The following RFLNA variants were observed in gnomAD, a reference collection of about 807,000 sequenced individuals.
RFLNA encodes the protein refilin-A.
RFLNA carries 5 observed loss-of-function variants against 7.8 expected under a neutral mutation model. That is an observed-to-expected ratio of 0.64 (90% CI 0.34 to 1.35). The LOEUF is 1.35. Among genes scored for constraint, RFLNA ranks in the 40% most tolerant of loss-of-function variants. RFLNA has a pLI of 0.04. For synonymous variants in RFLNA, 141 were observed against 131.3 expected, an observed-to-expected ratio of 1.07 and a Z score of -0.50; for missense variants, 278 against 305.5, an observed-to-expected ratio of 0.91 and a Z score of 0.67.
rs148856051 is a variant in RFLNA at position 124,304,521 on chromosome 12, G to T, written c.208-7297G>T. Reference sequence around the variant, plus strand: ...CGGGCGGAAAGGGGCTGCCTTTGTCGGCGCCCACGTTCCAGGTGTGGTGGT... The same window carrying T: ...CGGGCGGAAAGGGGCTGCCTTTGTCTGCGCCCACGTTCCAGGTGTGGTGGT... On this transcript the variant is annotated intron_variant, in intron 1 of 2. Coordinates refer to ENST00000546355, the MANE Select transcript of RFLNA (RefSeq NM_001365156.1). Among the ~76,000 whole-genome samples, 1,393 of 152,350 alleles carry T rather than the reference G, an allele frequency of 9.1e-3. 18 individuals are homozygous for T. The highest frequency in any genetic ancestry group is 0.014 in the Non-Finnish European group (960 of 68,030).
intron 1 of RFLNA, among the ~76,000 whole-genome samples, chr12:124,297,863 G>A (rs1399602203): frequency 7.8e-6 from 1 of 127,906 alleles, no homozygotes. Flanking sequence ...CCACCTCCCC[G>A]TTAACTCCCG....
rs920870645 is a variant in RFLNA, at chr12:124,306,168, A to G, written c.208-5650A>G. Among the ~76,000 whole-genome samples the G allele has an allele frequency of 6.0e-5, 9 of 150,980 alleles. No homozygotes were observed. Among genetic ancestry groups the G allele is most frequent in the African/African-American group, 2.2e-4 (9 of 40,920 alleles). ...CCCTCCCCATAGTGCAGGGGCGGAG[A>G]GGTGCCAGGTCCTGGGCTTAGAGGT... On this transcript the variant is annotated intron_variant, in intron 1 of 2. Coordinates refer to ENST00000546355, the MANE Select transcript of RFLNA (RefSeq NM_001365156.1). The surrounding 1 kb of genome is among the most constrained non-coding windows in gnomAD (Gnocchi z 5.2).
At chr12:124,307,088 G>A (rs2034149227) in intron 1 of RFLNA, among the ~76,000 whole-genome samples, 1 of 152,232 alleles carries the variant, frequency 6.6e-6, no homozygotes, top group Non-Finnish European at 1.5e-5. Flanking sequence ...ACGCTGGGGT[G>A]TAAGGGATGC....
At position 124,302,980 on chromosome 12, in the gene RFLNA, G is replaced by A. The variant is rs143767541; in HGVS notation, c.207+7344G>A. Among the ~76,000 whole-genome samples, 515 of 152,248 alleles carry A rather than the reference G, an allele frequency of 3.4e-3. 3 individuals are homozygous for A. Among genetic ancestry groups the A allele is most frequent in the African/African-American group, 0.012 (495 of 41,536 alleles). On this transcript the variant is annotated intron_variant, in intron 1 of 2. Transcript: ENST00000546355. The stretch of plus-strand genomic sequence containing the variant: ...TCCTGCTGTCTCCAGGAGCAGCAAC[G>A]GGGGAGGGGGGGCTCTGGGTACCTC...
chr12:124,307,187 A>G (rs2034151714), intron 1 of RFLNA, among the ~76,000 whole-genome samples: 1 of 152,222 alleles, frequency 6.6e-6, no homozygotes, highest in African/African-American at 2.4e-5. Context: ...ATAAATGCGT[A>G]AGCAAAACCT....
At chr12:124,308,404 C>CAGTTG in intron 1 of RFLNA, among the ~76,000 whole-genome samples, 1 of 152,172 alleles carries the variant, frequency 6.6e-6, no homozygotes, top group Admixed American at 6.5e-5. Flanking sequence ...AAGATCCTGT[C>CAGTTG]CACAGGGTCT....
chr12:124,295,527 G>GGCCCCCCCC lies in RFLNA; in HGVS notation c.98_99insGCCCCCCCC (p.Ser33delinsArgProProPro). ...AGCCCCGACTCCGGGCTGCCCCCCA[G>GGCCCCCCCC]CCCCAGCCCCAGCCCGCCCTTCTAC... On this transcript the variant is annotated protein_altering_variant, in exon 1 of 3. Coordinates refer to ENST00000546355, the MANE Select transcript of RFLNA (RefSeq NM_001365156.1). The GGCCCCCCCC allele has an allele frequency of 1.6e-6, 2 of 1,259,404 alleles. No individual in the cohort carries two copies. Among genetic ancestry groups the GGCCCCCCCC allele is most frequent in the Non-Finnish European group, 2.0e-6 (2 of 1,002,964 alleles). 78.0% of individuals were successfully genotyped at this position (1,259,404 alleles called of 1,614,324 possible).
chr12:124,312,035 G>A, intron 2 of RFLNA, 108 bp downstream of exon 2: 9 of 1,314,100 alleles, frequency 6.8e-6, no homozygotes, highest in Non-Finnish European at 9.0e-6. Context: ...TGGGGGCTCA[G>A]GAGGCTCCCT....
chr12:124,308,206 T>C (rs1344417733), intron 1 of RFLNA, among the ~76,000 whole-genome samples: 1 of 152,166 alleles, frequency 6.6e-6, no homozygotes, highest in Non-Finnish European at 1.5e-5. Flanking sequence ...AGTCTTAAAC[T>C]CCTGACCTCA....
chr12:124,311,364 G>A (rs1413459290), intron 1 of RFLNA, among the ~76,000 whole-genome samples: 1 of 106,218 alleles, frequency 9.4e-6, no homozygotes, highest in Non-Finnish European at 2.0e-5. Flanking sequence ...AGACACAGGT[G>A]TGGTGGGGTC....
In RFLNA at chr12:124,295,298, T is replaced by G. The variant is rs2033886641; in HGVS notation, c.-132T>G. ...GGGGCGCGGGGGGCGCCGGGCCTGA[T>G]CGCCGCCTCTCGCGGTGCCCGCAGG... On this transcript the variant is annotated 5_prime_UTR_variant, in exon 1 of 3. Transcript: ENST00000546355. The G allele has an allele frequency of 3.5e-6, 1 of 282,292 alleles. No homozygotes were observed. The allele number at this position is 282,292 out of a possible 1,614,324, so 17.5% of individuals were successfully genotyped here.
In RFLNA at chr12:124,295,192, G is replaced by T; in HGVS notation, c.-238G>T. ...GCTGGGCCCGGCGGGCGGGAGCCGCGGAGGGCGGAGGGCGGAGGGCGGCGG... is the reference window on the plus strand; with the variant it reads ...GCTGGGCCCGGCGGGCGGGAGCCGCTGAGGGCGGAGGGCGGAGGGCGGCGG... On this transcript the variant is annotated 5_prime_UTR_variant, in exon 1 of 3. Transcript: ENST00000546355. The T allele has an allele frequency of 6.7e-6, 1 of 148,874 alleles. No homozygotes were observed. The highest frequency in any genetic ancestry group is 1.9e-4 in the South Asian group (1 of 5,394). The allele number at this position is 148,874 out of a possible 1,614,324, so 9.2% of individuals were successfully genotyped here.
At chr12:124,296,118 TTC>T (rs2033912941) in intron 1 of RFLNA, among the ~76,000 whole-genome samples, 1 of 3,644 alleles carries the variant, frequency 2.7e-4, no homozygotes, top group African/African-American at 2.9e-4. Flanking sequence ...CTTTCTTTCT[TTC>T]TTTCTCTCTC....
rs1345924392 is a variant in RFLNA, at chr12:124,311,864, G to A, written c.254G>A (p.Arg85Gln). Reference sequence around the variant, plus strand: ...CCCCCGGCGTCGGAGATGAGGCCCCGGATGCTGCCAGTGTTCTTTGGGGAG... The same window carrying A: ...CCCCCGGCGTCGGAGATGAGGCCCCAGATGCTGCCAGTGTTCTTTGGGGAG... ...PNPPASEMRP[R>Q]MLPVFFGESI... Residue 85 changes from arginine (R) to glutamine (Q), a missense_variant, in exon 2 of 3, where the codon CGG becomes CAG. Transcript: ENST00000546355. The A allele has an allele frequency of 1.2e-5, 20 of 1,601,484 alleles. No individual in the cohort carries two copies. The highest frequency in any genetic ancestry group is 1.7e-4 in the Middle Eastern group (1 of 6,046).
rs1478576756 is a variant in RFLNA at position 124,314,423 on chromosome 12, G to T, written c.549G>T (p.Leu183=). 3 of 1,605,400 alleles carry T rather than the reference G, an allele frequency of 1.9e-6. No homozygotes were observed. The African/African-American group carries it at 4.0e-5, about 21-fold the overall frequency. ...CCAGGAGCACTTTCCGGACCACCCT[G>T]CACTGCAGCCTGGGCCGGCCCAGCC... is the stretch of plus-strand genomic sequence containing the variant. ...KHARSTFRTT[L]HCSLGRPSRW... The change falls in exon 3 of 3, where the codon CTG becomes CTT. Residue 183 remains leucine, a synonymous_variant. Transcript: ENST00000546355.
rs754035236 is a variant in RFLNA at position 124,315,061 on chromosome 12, C to T, written c.*536C>T. 21 of 224,946 alleles carry T rather than the reference C, an allele frequency of 9.3e-5. No individual in the cohort carries two copies. The highest frequency in any genetic ancestry group is 1.5e-4 in the Non-Finnish European group (17 of 111,506). The allele number at this position is 224,946 out of a possible 1,614,324, so 13.9% of individuals were successfully genotyped here. A position where few individuals can be genotyped will look rare whatever the true frequency, so the allele number is the denominator to read the frequency against. On this transcript the variant is annotated 3_prime_UTR_variant, in exon 3 of 3. Transcript: ENST00000546355. ...CTTTTCGCACACATGCAGGTTGCAC[C>T]GAGAGGTCTGGAGCTGTGGCTGAGC...
At chr12:124,311,390 G>A (rs866496850) in intron 1 of RFLNA, among the ~76,000 whole-genome samples, 8 of 106,202 alleles carry the variant, frequency 7.5e-5, no homozygotes, top group African/African-American at 3.2e-4. Context: ...CCCTCTGGAG[G>A]CTGCCTGAGC....
intron 1 of RFLNA, among the ~76,000 whole-genome samples, chr12:124,309,527 T>C (rs2034200591): frequency 6.6e-6 from 1 of 152,224 alleles, no homozygotes; most frequent in South Asian, 2.1e-4. Context: ...ACTCATGCTT[T>C]CTCCAAAGCT....
chr12:124,301,262 G>A (rs1265530827), intron 1 of RFLNA, among the ~76,000 whole-genome samples: 1 of 152,218 alleles, frequency 6.6e-6, no homozygotes, highest in Non-Finnish European at 1.5e-5. Context: ...TGGAAATTCA[G>A]CAAAGTGTCT....
Sources: allele counts gnomAD v4.1 joint callset (sites outside exome capture counted in the v4.1 genomes callset), GRCh38; gene constraint gnomAD v4.1.1; non-coding constraint Gnocchi (gnomAD v3.1); transcripts MANE v1.5; gene names NCBI Gene and HGNC (gene_info 2026-07-23, HGNC 2026-07-21).